MAP4K4: variants seen among roughly 807,000 people sequenced by gnomAD.
MAP4K4 encodes mitogen-activated protein kinase kinase kinase kinase 4.
A neutral mutation model predicts 189.6 loss-of-function variants in MAP4K4; 38 were observed. The observed-to-expected ratio is 0.20, with a 90% CI of 0.15 to 0.26. The LOEUF is 0.26. MAP4K4 is among the 10% of genes least tolerant of loss of function. The pLI is 1.00. For missense variants in MAP4K4, 1,054 were observed against 1,726.9 expected, an observed-to-expected ratio of 0.61 and a Z score of 6.91; for synonymous variants, 610 against 624.3, an observed-to-expected ratio of 0.98 and a Z score of 0.34.
intron 3 of MAP4K4, among the ~76,000 whole-genome samples, chr2:101,795,512 C>T (rs1304831305): frequency 6.6e-6 from 1 of 152,116 alleles, no homozygotes; most frequent in Non-Finnish European, 1.5e-5. Flanking sequence ...CCAATGGGTC[C>T]CCATGGAGTC....
chr2:101,849,674 C>T (rs2097218119), intron 12 of MAP4K4, among the ~76,000 whole-genome samples: 1 of 144,902 alleles, frequency 6.9e-6, no homozygotes, highest in Non-Finnish European at 1.5e-5. Context: ...TTATCTGTTC[C>T]TCTGTACTTT....
exon 22 of MAP4K4, chr2:101,869,713 C>T (rs2150018574): frequency 3.7e-6 from 6 of 1,600,048 alleles, no homozygotes; most frequent in Non-Finnish European, 5.1e-6. Flanking sequence ...AGTGAGGAGT[C>T]GGGGACGACG....
intron 12 of MAP4K4, among the ~76,000 whole-genome samples, chr2:101,847,661 T>C (rs1177419651): frequency 6.6e-6 from 1 of 152,208 alleles, no homozygotes; most frequent in Non-Finnish European, 1.5e-5. Flanking sequence ...GAAGTGTTTG[T>C]GTATTAAACA....
chr2:101,705,730 A>G (rs189730629), intron 2 of MAP4K4, among the ~76,000 whole-genome samples: 114 of 152,344 alleles, frequency 7.5e-4, no homozygotes, highest in Admixed American at 1.2e-3. Flanking sequence ...AGCAGACCAC[A>G]CTTTGAGGAA....
In MAP4K4 at chr2:101,885,188, A is replaced by G. The variant is rs538748902; in HGVS notation, c.3522A>G (p.Val1174=). 92 of 1,578,280 alleles carry G rather than the reference A, an allele frequency of 5.8e-5. 2 individuals carry two copies. In the South Asian group the frequency reaches 1.0e-3, roughly 17 times the overall value. The change falls in exon 29 of 33, where the codon GTA becomes GTG. Residue 1174 remains valine, a splice_region_variant and synonymous_variant. Transcript: ENST00000324219. ...GCTTTTTTATTTGCTGCTTTTCAGTAAAATATGAAAGAATCAAATTTCTGG... is the reference window on the plus strand; with the variant it reads ...GCTTTTTTATTTGCTGCTTTTCAGTGAAATATGAAAGAATCAAATTTCTGG...
At chr2:101,738,008 T>C (rs1371695744) in intron 2 of MAP4K4, among the ~76,000 whole-genome samples, 1 of 152,178 alleles carries the variant, frequency 6.6e-6, no homozygotes, top group Non-Finnish European at 1.5e-5. Context: ...TAGCATCATA[T>C]GGCTTGTAGG....
intron 12 of MAP4K4, among the ~76,000 whole-genome samples, chr2:101,845,411 C>T (rs921711429): frequency 7.2e-5 from 11 of 152,024 alleles, no homozygotes; most frequent in South Asian, 2.1e-4. Flanking sequence ...CGCTTAATGA[C>T]GGGGATACAT....
At chr2:101,744,729 T>C (rs1157162424) in intron 2 of MAP4K4, among the ~76,000 whole-genome samples, 2 of 152,094 alleles carry the variant, frequency 1.3e-5, no homozygotes, top group Admixed American at 1.3e-4. Context: ...CAGAAGGCAT[T>C]TTCTGGCCAA....
chr2:101,798,115 G>A lies in MAP4K4; in HGVS notation c.180+7339G>A, dbSNP rs2093984412. 2.0e-5 allele frequency among the ~76,000 whole-genome samples: 3 copies of A among 150,236 alleles called. No homozygotes were observed. The Admixed American group carries it at 2.0e-4, about 10-fold the overall frequency. On this transcript the variant is annotated intron_variant, in intron 3 of 32. Coordinates refer to ENST00000324219, the Ensembl canonical transcript of MAP4K4. ...TTTTTGAGAGATGGGGTCTTATTGTGTTGCCCAGGCTGGTCTCAAACTCCT... is the reference window on the plus strand; with the variant it reads ...TTTTTGAGAGATGGGGTCTTATTGTATTGCCCAGGCTGGTCTCAAACTCCT...
At chr2:101,761,198 C>G (rs1211535949) in intron 2 of MAP4K4, among the ~76,000 whole-genome samples, 1 of 152,130 alleles carries the variant, frequency 6.6e-6, no homozygotes, top group Non-Finnish European at 1.5e-5. Flanking sequence ...GTTAAAGATA[C>G]TATCATTGTA....
intron 2 of MAP4K4, among the ~76,000 whole-genome samples, chr2:101,719,490 A>G (rs1025464805): frequency 1.3e-5 from 2 of 152,164 alleles, no homozygotes; most frequent in Admixed American, 6.5e-5. Flanking sequence ...TGGAGAAGGC[A>G]GCAGACCCAG....
At chr2:101,730,414 C>G (rs2057899530) in intron 2 of MAP4K4, among the ~76,000 whole-genome samples, 1 of 152,102 alleles carries the variant, frequency 6.6e-6, no homozygotes, top group Admixed American at 6.5e-5. Context: ...GACAGTTTTT[C>G]AGATCATATG....
rs376819613 is a variant in MAP4K4, at chr2:101,892,894, C to T, written c.*1645C>T. The T allele has an allele frequency of 1.3e-4, 61 of 456,448 alleles. 1 individual carries two copies. The highest frequency in any genetic ancestry group is 6.2e-4 in the East Asian group (9 of 14,540). 28.3% of individuals were successfully genotyped at this position (456,448 alleles called of 1,614,324 possible). On this transcript the variant is annotated 3_prime_UTR_variant, in exon 33 of 33. Coordinates refer to ENST00000324219, the Ensembl canonical transcript of MAP4K4. ...ATCAGGACTCCATGTCACAGTCCTG[C>T]CATCTTACTTTCCTCTTGTCGAGTT...
chr2:101,878,647 C>G (rs1001828890), intron 27 of MAP4K4, among the ~76,000 whole-genome samples: 27 of 152,148 alleles, frequency 1.8e-4, no homozygotes, highest in Non-Finnish European at 7.4e-5. Context: ...TACCATGTTG[C>G]ATAGATCATA....
chr2:101,707,949 C>T (rs2043261595), intron 2 of MAP4K4, among the ~76,000 whole-genome samples: 2 of 151,724 alleles, frequency 1.3e-5, no homozygotes. Context: ...GATCCGCCCA[C>T]CTCGGCCTCT....
chr2:101,735,775 G>T (rs563705466), intron 2 of MAP4K4, among the ~76,000 whole-genome samples: 45 of 152,318 alleles, frequency 3.0e-4, no homozygotes, highest in Non-Finnish European at 7.4e-5. Context: ...GATGTTGTTG[G>T]ATTAGGAGCT....
At chr2:101,706,662 C>A (rs538105761) in intron 2 of MAP4K4, among the ~76,000 whole-genome samples, 11 of 152,210 alleles carry the variant, frequency 7.2e-5, no homozygotes, top group Admixed American at 5.2e-4. Flanking sequence ...ATTTTTTCTC[C>A]CTGGAGTTTC....
rs1005748521 is a variant in MAP4K4, at chr2:101,779,219, G to A, written c.124-11501G>A. Among the ~76,000 whole-genome samples, 9 of 152,114 alleles carry A rather than the reference G, an allele frequency of 5.9e-5. No homozygotes were observed. In the South Asian group the frequency reaches 1.9e-3, roughly 32 times the overall value. ...ATTGATAGGGAGGAGGAGGAGGAGA[G>A]GAGGATGCTGAAAAATAGAGGGAAG... On this transcript the variant is annotated intron_variant, in intron 2 of 32. Coordinates refer to ENST00000324219, the Ensembl canonical transcript of MAP4K4.
At chr2:101,875,310 C>T (rs1369446843) in intron 26 of MAP4K4, among the ~76,000 whole-genome samples, 6 of 151,902 alleles carry the variant, frequency 3.9e-5, no homozygotes, top group Non-Finnish European at 8.8e-5. Flanking sequence ...AAATGAATCA[C>T]ATATTACATA....
Sources: gnomAD v4.1 joint callset for allele counts (sites outside exome capture counted in the v4.1 genomes callset) on GRCh38, gnomAD v4.1.1 for gene constraint, MANE v1.5 for transcripts, NCBI Gene and HGNC (gene_info 2026-07-23, HGNC 2026-07-21) for gene names.